Variants in CEP78 observed in about 807,000 individuals in gnomAD.
The protein encoded by CEP78 is centrosomal protein of 78 kDa.
CEP78 carries 76 observed loss-of-function variants against 81.2 expected under a neutral mutation model. That is an observed-to-expected ratio of 0.94 (90% CI 0.78 to 1.13). The LOEUF is 1.13. Ranked by LOEUF, CEP78 falls within the 50% of genes most tolerant of loss-of-function variation. The probability of loss-of-function intolerance (pLI) is 0.00; values close to 1 mark genes in which losing one functional copy is unlikely to be tolerated. For missense variants in CEP78, 918 were observed against 846.8 expected (o/e 1.08, Z -1.04); for synonymous variants, 293 against 301.4 (o/e 0.97, Z 0.29).
intron 9 of CEP78, among the ~76,000 whole-genome samples, chr9:78,252,504 A>G: frequency 6.6e-6 from 1 of 152,204 alleles, no homozygotes; most frequent in East Asian, 1.9e-4. Flanking sequence ...AGATATAACT[A>G]GTTTTAGCCA....
chr9:78,251,961 G>T lies in CEP78; in HGVS notation c.1123G>T (p.Glu375Ter), dbSNP rs1451630903. 2 of 1,609,102 alleles carry T rather than the reference G, an allele frequency of 1.2e-6. No homozygotes were observed. ...SSGRKHSLGK[E>*]YYAPAPLPPG... ...TGGCAGAAAACACTCCCTTGGTAAA[G>T]AATATTATGCGCCCGCACCTCTTCC... is the stretch of plus-strand genomic sequence containing the variant. Residue 375 changes from glutamate to a stop codon, truncating the protein, a stop_gained, in exon 9 of 17, where the codon GAA becomes TAA. Coordinates refer to ENST00000643273, the MANE Select transcript of CEP78 (RefSeq NM_001330691.3). LOFTEE classifies it high-confidence loss of function.
chr9:78,268,400 G>A (rs143588123), intron 16 of CEP78, among the ~76,000 whole-genome samples: 1,812 of 152,228 alleles, frequency 0.012, 23 homozygotes, highest in Non-Finnish European at 0.013. Context: ...GAACAAGATC[G>A]AGTCTTATAA....
At chr9:78,270,065 A>G (rs1827657512) in intron 16 of CEP78, among the ~76,000 whole-genome samples, 1 of 152,274 alleles carries the variant, frequency 6.6e-6, no homozygotes, top group Non-Finnish European at 1.5e-5. Context: ...AATATGGATT[A>G]GAAAATAAAA....
At chr9:78,269,935 A>G (rs1827654772) in intron 16 of CEP78, among the ~76,000 whole-genome samples, 1 of 152,248 alleles carries the variant, frequency 6.6e-6, no homozygotes, top group South Asian at 2.1e-4. Flanking sequence ...TCTTAAGACT[A>G]AAAGAAACAG....
chr9:78,242,064 C>A (rs1036809195), intron 4 of CEP78, among the ~76,000 whole-genome samples: 2 of 152,022 alleles, frequency 1.3e-5, no homozygotes, highest in Non-Finnish European at 1.5e-5. Context: ...TTTAAAGGTG[C>A]CTTAACAACT....
chr9:78,238,539 G>A (rs879662593), intron 1 of CEP78, among the ~76,000 whole-genome samples: 2 of 151,352 alleles, frequency 1.3e-5, no homozygotes, highest in African/African-American at 2.4e-5. Context: ...AAGAGGGAGG[G>A]TGTGCGATCT....
chr9:78,270,388 A>G (rs1476236307), intron 16 of CEP78, among the ~76,000 whole-genome samples: 2 of 152,242 alleles, frequency 1.3e-5, no homozygotes, highest in East Asian at 1.9e-4. Flanking sequence ...TAAACTTTCA[A>G]TATACCTGAA....
At chr9:78,236,772 T>A (rs1587543292) in intron 1 of CEP78, 169 bp downstream of exon 1, 2 of 788,078 alleles carry the variant, frequency 2.5e-6, no homozygotes, top group Non-Finnish European at 3.7e-6. Context: ...TGCTCATCCG[T>A]AACATGGGCT....
chr9:78,275,592 G>A lies in CEP78; in HGVS notation c.*4741G>A. 1 of 140,780 alleles carries A rather than the reference G, an allele frequency of 7.1e-6. No individual in the cohort carries two copies. The highest frequency in any genetic ancestry group is 2.8e-5 in the African/African-American group (1 of 35,098). 8.7% of individuals were successfully genotyped at this position (140,780 alleles called of 1,614,324 possible). A position where few individuals can be genotyped will look rare whatever the true frequency, so the allele number is the denominator to read the frequency against. On this transcript the variant is annotated 3_prime_UTR_variant, in exon 17 of 17. Transcript: ENST00000643273. ...TGCACTCTAGCCTGGGAGACAAGAG[G>A]GAAACTCTGTCTCCAAAAAAAAAAA... is the stretch of plus-strand genomic sequence containing the variant.
intron 8 of CEP78, chr9:78,250,168 T>G: frequency 2.5e-6 from 1 of 397,804 alleles, no homozygotes; most frequent in East Asian, 3.6e-5. Context: ...AAATTGGAAA[T>G]GTGACTGAAG....
intron 8 of CEP78, chr9:78,250,458 G>A: frequency 2.9e-6 from 1 of 341,626 alleles, no homozygotes; most frequent in African/African-American, 2.1e-5. Flanking sequence ...TATATTTGCG[G>A]CCGGGCACGG....
At position 78,265,531 on chromosome 9, in the gene CEP78, G is replaced by T. The variant is rs764717498; in HGVS notation, c.1785G>T (p.Met595Ile). The T allele has an allele frequency of 2.6e-6, 4 of 1,567,404 alleles. No homozygotes were observed. The South Asian group carries it at 3.5e-5, about 14-fold the overall frequency. The stretch of plus-strand genomic sequence containing the variant: ...CGAAGCAGAATGCCCTAGGGCAAAT[G>T]CAAAATATCCAGGTAAATGAATAGA... ...PEPKQNALGQMQNIQVSICMQ... is the reference protein window; with the variant it reads ...PEPKQNALGQIQNIQVSICMQ... Residue 595 changes from methionine to isoleucine, a missense_variant, in exon 14 of 17, where the codon ATG becomes ATT. Transcript: ENST00000643273.
At chr9:78,250,109 A>G in intron 8 of CEP78, 2 of 392,170 alleles carry the variant, frequency 5.1e-6, no homozygotes, top group South Asian at 1.4e-4. Context: ...ATTGGACATC[A>G]TTGAATGAGA....
chr9:78,239,669 G>A (rs926807840), intron 1 of CEP78, among the ~76,000 whole-genome samples: 9 of 152,098 alleles, frequency 5.9e-5, no homozygotes, highest in Non-Finnish European at 1.2e-4. Flanking sequence ...GGCTTTAGTC[G>A]GATCCACCTG....
At position 78,262,528 on chromosome 9, in the gene CEP78, G is replaced by T. The variant is rs1827321181; in HGVS notation, c.1381-379G>T. On this transcript the variant is annotated intron_variant, in intron 11 of 16. Coordinates refer to ENST00000643273, the MANE Select transcript of CEP78 (RefSeq NM_001330691.3). Reference sequence around the variant, plus strand: ...TAATTGGTTACTTGACTTTTAATTTGCTGTTACATAATTCAGGTGTGTTAA... The same window carrying T: ...TAATTGGTTACTTGACTTTTAATTTTCTGTTACATAATTCAGGTGTGTTAA... 2.0e-5 allele frequency among the ~76,000 whole-genome samples: 3 copies of T among 151,980 alleles called. No individual in the cohort carries two copies. In the South Asian group the frequency reaches 6.2e-4, roughly 31 times the overall value.
intron 1 of CEP78, 167 bp downstream of exon 1, chr9:78,236,770 C>A: frequency 1.2e-6 from 1 of 810,630 alleles, no homozygotes; most frequent in Non-Finnish European, 1.8e-6. Context: ...TGTGCTCATC[C>A]GTAACATGGG....
intron 1 of CEP78, among the ~76,000 whole-genome samples, chr9:78,237,998 A>G (rs1448871222): frequency 6.8e-6 from 1 of 148,024 alleles, no homozygotes; most frequent in Non-Finnish European, 1.5e-5. Context: ...GGTGGCGGGC[A>G]CCTGTAATCC....
Position 78,243,460 on chromosome 9 carries a change from A to G in CEP78, c.604-2A>G. The G allele has an allele frequency of 1.2e-6, 2 of 1,608,410 alleles. No individual in the cohort carries two copies. Among genetic ancestry groups the G allele is most frequent in the Non-Finnish European group, 1.7e-6 (2 of 1,177,850 alleles). On this transcript the variant is annotated splice_acceptor_variant, in intron 4 of 16. Coordinates refer to ENST00000643273, the MANE Select transcript of CEP78 (RefSeq NM_001330691.3). LOFTEE classifies it high-confidence loss of function. ...TAATTTCATCTTATTAAATCTTTGA[A>G]GTATCAGACCATGAGAAGGCATGAA...
intron 4 of CEP78, among the ~76,000 whole-genome samples, chr9:78,242,652 CACTG>C (rs1826290021): frequency 1.3e-5 from 2 of 152,210 alleles, no homozygotes; most frequent in African/African-American, 4.8e-5. Context: ...TAGCAAATGA[CACTG>C]ACAGTTTTCA....
Sources: allele counts gnomAD v4.1 joint callset (sites outside exome capture counted in the v4.1 genomes callset), GRCh38; gene constraint gnomAD v4.1.1; transcripts MANE v1.5; gene names NCBI Gene and HGNC (gene_info 2026-07-23, HGNC 2026-07-21).